Variants in PTPN11 observed in about 807,000 individuals in gnomAD.
PTPN11 encodes the protein tyrosine-protein phosphatase non-receptor type 11.
In PTPN11, 6 loss-of-function variants were observed where a neutral mutation model predicts 78.8. The observed-to-expected ratio is 0.08, with a 90% CI of 0.04 to 0.15. The LOEUF (loss-of-function observed/expected upper bound fraction) is 0.15, where lower values mean the gene tolerates loss of function less well. PTPN11 is among the 10% of genes least tolerant of loss of function. PTPN11 has a pLI of 1.00. For synonymous variants in PTPN11, 221 were observed against 263.5 expected (o/e 0.84, Z 1.56); for missense variants, 386 against 744.8 (o/e 0.52, Z 5.61).
chr12:112,486,862 A>G, intron 11 of PTPN11: 1 of 1,424,306 alleles, frequency 7.0e-7, no homozygotes, highest in Non-Finnish European at 9.2e-7. Context: ...AAAACAGCAA[A>G]GACTAAGTCA....
intron 3 of PTPN11, among the ~76,000 whole-genome samples, chr12:112,452,294 T>A (rs912860853): frequency 3.3e-5 from 5 of 151,928 alleles, no homozygotes; most frequent in Non-Finnish European, 2.9e-5. Context: ...TGGTGCGATC[T>A]CAGCTCACTG....
intron 2 of PTPN11, 151 bp from the exon 3 acceptor site, chr12:112,450,167 A>G: frequency 1.5e-6 from 1 of 682,120 alleles, no homozygotes; most frequent in South Asian, 1.7e-5. Flanking sequence ...TGGTTATTTC[A>G]CCCATCGTAT....
At chr12:112,503,174 G>A (rs192908510) in intron 14 of PTPN11, among the ~76,000 whole-genome samples, 25 of 152,280 alleles carry the variant, frequency 1.6e-4, no homozygotes, top group Admixed American at 5.9e-4. Context: ...AATAATATGC[G>A]ACAGAGACCA....
intron 13 of PTPN11, among the ~76,000 whole-genome samples, chr12:112,494,016 G>A (rs994289955): frequency 6.6e-6 from 1 of 152,146 alleles, no homozygotes; most frequent in African/African-American, 2.4e-5. Context: ...ACTTTGGAAG[G>A]CTGAGGAGGG....
rs1352499844 is a variant in PTPN11, at chr12:112,450,504, C to T, written c.324C>T (p.Thr108=). 1 of 1,613,882 alleles carries T rather than the reference C, an allele frequency of 6.2e-7. No homozygotes were observed. The highest frequency in any genetic ancestry group is 1.7e-5 in the Admixed American group (1 of 60,002). Residue 108 remains threonine, a synonymous_variant, in exon 3 of 16, where the codon ACC becomes ACT. Transcript: ENST00000351677. Reference sequence around the variant, plus strand: ...ATCCTCTGAACTGTGCAGATCCTACCTCTGAAAGGTCAGTAACATTTTAGT... The same window carrying T: ...ATCCTCTGAACTGTGCAGATCCTACTTCTGAAAGGTCAGTAACATTTTAGT... ...LKYPLNCADP[T]SERWFHGHLS...
intron 13 of PTPN11, among the ~76,000 whole-genome samples, chr12:112,494,049 T>G (rs547010319): frequency 2.0e-5 from 3 of 152,214 alleles, no homozygotes; most frequent in African/African-American, 7.2e-5. Context: ...GGTCAGGAGT[T>G]CGAGACCAGC....
chr12:112,448,480 G>A (rs1057461523), intron 2 of PTPN11, among the ~76,000 whole-genome samples: 8 of 152,004 alleles, frequency 5.3e-5, no homozygotes, highest in Admixed American at 3.3e-4. Flanking sequence ...GCCTCCCAAA[G>A]TGCTGGGATT....
At chr12:112,429,483 T>G in intron 1 of PTPN11, among the ~76,000 whole-genome samples, 1 of 136,630 alleles carries the variant, frequency 7.3e-6, no homozygotes, top group Admixed American at 7.4e-5. Context: ...TGAAACTACT[T>G]TTTTTTTTTT....
chr12:112,478,408 TAAAAA>T (rs773403197), intron 9 of PTPN11, among the ~76,000 whole-genome samples: 108 of 145,632 alleles, frequency 7.4e-4, no homozygotes, highest in Admixed American at 1.4e-3. Flanking sequence ...CCCCATCTCT[TAAAAA>T]AAAAAAATGT....
At chr12:112,496,809 G>A (rs2038819836) in intron 13 of PTPN11, among the ~76,000 whole-genome samples, 1 of 152,184 alleles carries the variant, frequency 6.6e-6, no homozygotes, top group African/African-American at 2.4e-5. Context: ...AACACAGGTA[G>A]CGTCTCTACA....
chr12:112,493,559 T>C (rs11066326), intron 13 of PTPN11, among the ~76,000 whole-genome samples: 2,503 of 151,870 alleles, frequency 0.016, 74 homozygotes, highest in African/African-American at 0.056. Flanking sequence ...TGGCTAATTA[T>C]TGTATTTTTA....
chr12:112,469,106 A>C (rs1294797346), intron 6 of PTPN11, among the ~76,000 whole-genome samples: 1 of 152,142 alleles, frequency 6.6e-6, no homozygotes, highest in East Asian at 1.9e-4. Flanking sequence ...GGCAGACCTG[A>C]TGATGGGTGG....
chr12:112,430,829 G>A (rs184964636), intron 1 of PTPN11, among the ~76,000 whole-genome samples: 2 of 152,068 alleles, frequency 1.3e-5, no homozygotes, highest in East Asian at 1.9e-4. Context: ...CCAAATGCAC[G>A]GGGAGGCTTT....
intron 6 of PTPN11, among the ~76,000 whole-genome samples, chr12:112,457,701 A>C (rs1388454735): frequency 6.6e-6 from 1 of 152,196 alleles, no homozygotes; most frequent in Non-Finnish European, 1.5e-5. Flanking sequence ...CTTTAAGTGA[A>C]CTGATCTCTT....
Position 112,502,089 on chromosome 12 carries a change from T to C in PTPN11, c.1600-55T>C. On this transcript the variant is annotated intron_variant, in intron 13 of 15. Transcript: ENST00000351677. ...TTTGGGCAAAATACCTTTTTTGCTTTTTATCCCCTTAAAATAACCATTGTC... is the reference window on the plus strand; with the variant it reads ...TTTGGGCAAAATACCTTTTTTGCTTCTTATCCCCTTAAAATAACCATTGTC... 3 of 1,422,680 alleles carry C rather than the reference T, an allele frequency of 2.1e-6. No homozygotes were observed. In the South Asian group the frequency reaches 3.5e-5, roughly 17 times the overall value. The allele number at this position is 1,422,680 out of a possible 1,614,324, so 88.1% of individuals were successfully genotyped here.
Position 112,495,573 on chromosome 12 carries a change from A to G in PTPN11, c.1599+6398A>G, listed in dbSNP as rs117579443. Among the ~76,000 whole-genome samples, 726 of 152,304 alleles carry G rather than the reference A, an allele frequency of 4.8e-3. 8 individuals are homozygous for G. Among genetic ancestry groups the G allele is most frequent in the Non-Finnish European group, 8.6e-3 (584 of 68,016 alleles). On this transcript the variant is annotated intron_variant, in intron 13 of 15. Coordinates refer to ENST00000351677, the MANE Select transcript of PTPN11 (RefSeq NM_002834.5). ...AAACTTGTCAGTTTGTTTAGTTAGT[A>G]TCTGCCAGATTTTTCTCACTGCATA...
chr12:112,436,379 G>C (rs2037790424), intron 1 of PTPN11, among the ~76,000 whole-genome samples: 1 of 151,980 alleles, frequency 6.6e-6, no homozygotes, highest in Non-Finnish European at 1.5e-5. Context: ...TTTCCTATGA[G>C]GTAAACACTA....
chr12:112,422,000 A>T (rs570853266), intron 1 of PTPN11, among the ~76,000 whole-genome samples: 42 of 152,324 alleles, frequency 2.8e-4, no homozygotes, highest in Non-Finnish European at 5.3e-4. Context: ...AAGCAGTAAG[A>T]TAGGAAAATA....
chr12:112,484,493 CAG>C (rs1472293879), intron 10 of PTPN11, among the ~76,000 whole-genome samples: 3 of 152,038 alleles, frequency 2.0e-5, no homozygotes, highest in African/African-American at 7.3e-5. Context: ...ATGAGGGGGA[CAG>C]GGGCAGGAGG....
Sources: gnomAD v4.1 joint callset for allele counts (sites outside exome capture counted in the v4.1 genomes callset) on GRCh38, gnomAD v4.1.1 for gene constraint, MANE v1.5 for transcripts, NCBI Gene and HGNC (gene_info 2026-07-23, HGNC 2026-07-21) for gene names.